The following COL26A1 variants were observed in gnomAD, a reference collection of about 807,000 sequenced individuals.
The protein encoded by COL26A1 is collagen alpha-1(XXVI) chain.
Under a neutral mutation model 59.3 loss-of-function variants are expected in COL26A1, and 41 were observed. The ratio of observed to expected loss-of-function variants is 0.69; its 90% confidence interval spans 0.54 to 0.90. The LOEUF is 0.90. Among genes scored for constraint, COL26A1 ranks in the 40% least tolerant of loss-of-function variants. The pLI is 0.00. For missense variants in COL26A1, 612 were observed against 602.3 expected (o/e 1.02, Z -0.17); for synonymous variants, 266 against 256.0 (o/e 1.04, Z -0.37).
At chr7:101,401,651 GTGGAGGAGGAA>G (rs1792003646) in intron 1 of COL26A1, among the ~76,000 whole-genome samples, 1 of 114,174 alleles carries the variant, frequency 8.8e-6, no homozygotes, top group Non-Finnish European at 2.1e-5. Flanking sequence ...AGAGGAGGAG[GTGGAGGAGGAA>G]GAGGAGGAAG....
chr7:101,493,703 C>T (rs1052882035), intron 3 of COL26A1, among the ~76,000 whole-genome samples: 3 of 143,444 alleles, frequency 2.1e-5, no homozygotes, highest in African/African-American at 8.0e-5. Context: ...TGGAGGATCA[C>T]GAGGTCAGGA....
At chr7:101,369,713 A>G (rs1433382114) in intron 1 of COL26A1, among the ~76,000 whole-genome samples, 1 of 152,000 alleles carries the variant, frequency 6.6e-6, no homozygotes, top group East Asian at 2.0e-4. Context: ...CTAGTCCTCT[A>G]CTGATAGACA....
chr7:101,555,898 TG>T, intron 12 of COL26A1, 27 bp downstream of exon 12: 1 of 1,563,780 alleles, frequency 6.4e-7, no homozygotes. Flanking sequence ...ATCAGCGGGC[TG>T]GGAATCTCTC....
At chr7:101,506,143 C>T (rs545286305) in intron 3 of COL26A1, among the ~76,000 whole-genome samples, 1 of 152,312 alleles carries the variant, frequency 6.6e-6, no homozygotes, top group Non-Finnish European at 1.5e-5. Context: ...CATTCAGAGC[C>T]TTTGGGACAA....
At chr7:101,415,732 C>T (rs1431006564) in intron 1 of COL26A1, among the ~76,000 whole-genome samples, 8 of 152,026 alleles carry the variant, frequency 5.3e-5, no homozygotes, top group Admixed American at 4.6e-4. Flanking sequence ...TGATCTCAAG[C>T]GATCCTCCTG....
chr7:101,449,752 G>T (rs1793284743), intron 3 of COL26A1, among the ~76,000 whole-genome samples: 1 of 152,128 alleles, frequency 6.6e-6, no homozygotes, highest in Non-Finnish European at 1.5e-5. Context: ...CCACCCTTAG[G>T]TTTGACACCT....
rs1796013649 is a variant in COL26A1, at chr7:101,557,669, G to A, written c.*139G>A. On this transcript the variant is annotated 3_prime_UTR_variant, in exon 13 of 13. Coordinates refer to ENST00000313669, the MANE Select transcript of COL26A1 (RefSeq NM_001278563.3). ...TTGTGAGGACATGGGGGGCTTTGGG[G>A]ACAGATAATGTCTCCAGGGGCAGGG... The A allele has an allele frequency of 2.3e-6, 2 of 859,500 alleles. No homozygotes were observed. The highest frequency in any genetic ancestry group is 3.5e-6 in the Non-Finnish European group (2 of 578,066). The allele number at this position is 859,500 out of a possible 1,614,324, so 53.2% of individuals were successfully genotyped here. A position where few individuals can be genotyped will look rare whatever the true frequency, so the allele number is the denominator to read the frequency against.
chr7:101,443,359 G>A (rs1027437803), intron 2 of COL26A1, among the ~76,000 whole-genome samples: 10 of 152,134 alleles, frequency 6.6e-5, no homozygotes, highest in African/African-American at 2.4e-4. Context: ...TGAAACACGA[G>A]TGCAGGTTTT....
intron 1 of COL26A1, among the ~76,000 whole-genome samples, chr7:101,417,704 C>CTCTATATCTAGACATAGA (rs1792412127): frequency 6.8e-6 from 1 of 147,518 alleles, no homozygotes; most frequent in African/African-American, 2.5e-5. Flanking sequence ...AGAGATATAT[C>CTCTATATCTAGACATAGA]TATAGATATC....
chr7:101,387,776 A>ATTTTT lies in COL26A1; in HGVS notation c.158+24587_158+24588insTTTTT, dbSNP rs1445116473. 3.3e-3 allele frequency among the ~76,000 whole-genome samples: 278 copies of ATTTTT among 84,728 alleles called. 3 individuals are homozygous for ATTTTT. Among genetic ancestry groups the ATTTTT allele is most frequent in the African/African-American group, 0.011 (242 of 21,190 alleles). The allele number at this position is 84,728 out of a possible 152,430, so 55.6% of individuals were successfully genotyped here. On this transcript the variant is annotated intron_variant, in intron 1 of 12. Transcript: ENST00000313669. ...TATTTATATATATATATATATATAT[A>ATTTTT]TATTTTTTTTTAAGACAGAGTCTCA...
At chr7:101,484,119 A>C (rs1794218559) in intron 3 of COL26A1, among the ~76,000 whole-genome samples, 1 of 150,048 alleles carries the variant, frequency 6.7e-6, no homozygotes. Context: ...CGAGGTGCTG[A>C]GGTTACAAAT....
chr7:101,504,111 T>C (rs1794757951), intron 3 of COL26A1, among the ~76,000 whole-genome samples: 1 of 151,940 alleles, frequency 6.6e-6, no homozygotes, highest in South Asian at 2.1e-4. Flanking sequence ...CCTCTTTTTT[T>C]TTCTTTGGGG....
At chr7:101,533,351 A>G (rs1024986214) in intron 4 of COL26A1, among the ~76,000 whole-genome samples, 1 of 152,058 alleles carries the variant, frequency 6.6e-6, no homozygotes, top group African/African-American at 2.4e-5. Context: ...CCCGGGCAGC[A>G]GGCTGGTTTT....
intron 3 of COL26A1, among the ~76,000 whole-genome samples, chr7:101,449,243 A>G (rs1159601657): frequency 4.6e-5 from 7 of 152,130 alleles, no homozygotes; most frequent in Admixed American, 2.6e-4. Flanking sequence ...TATGGTGTTG[A>G]ACGACCACAG....
intron 2 of COL26A1, among the ~76,000 whole-genome samples, chr7:101,439,263 G>A (rs1420514745): frequency 1.3e-5 from 2 of 152,108 alleles, no homozygotes; most frequent in East Asian, 3.8e-4. Context: ...CCTCCTGGGT[G>A]CTGGGCAGAT....
chr7:101,461,952 G>C (rs1793623691), intron 3 of COL26A1, among the ~76,000 whole-genome samples: 1 of 151,546 alleles, frequency 6.6e-6, no homozygotes, highest in Non-Finnish European at 1.5e-5. Context: ...AGCCTGTTAT[G>C]GTGATGGTGA....
chr7:101,451,859 C>T (rs1379459094), intron 3 of COL26A1, among the ~76,000 whole-genome samples: 1 of 151,948 alleles, frequency 6.6e-6, no homozygotes, highest in Non-Finnish European at 1.5e-5. Context: ...CATCCACCAC[C>T]ACACCCAGCT....
At chr7:101,388,502 C>T (rs1431331463) in intron 1 of COL26A1, among the ~76,000 whole-genome samples, 1 of 151,906 alleles carries the variant, frequency 6.6e-6, no homozygotes, top group African/African-American at 2.4e-5. Flanking sequence ...AGCCCCGAAA[C>T]TCTGTACCTG....
intron 1 of COL26A1, among the ~76,000 whole-genome samples, chr7:101,409,973 G>A (rs559278507): frequency 6.6e-6 from 1 of 152,164 alleles, no homozygotes; most frequent in East Asian, 1.9e-4. Flanking sequence ...TGTTAGCCAG[G>A]ATGGTCTTGA....
Sources: allele counts gnomAD v4.1 joint callset (sites outside exome capture counted in the v4.1 genomes callset), GRCh38; gene constraint gnomAD v4.1.1; transcripts MANE v1.5; gene names NCBI Gene and HGNC (gene_info 2026-07-23, HGNC 2026-07-21).